ARHGAP32: variants seen among roughly 807,000 people sequenced by gnomAD.
The protein encoded by ARHGAP32 is rho GTPase-activating protein 32.
ARHGAP32 carries 51 observed loss-of-function variants against 186.5 expected under a neutral mutation model. The observed-to-expected ratio is 0.27, with a 90% CI of 0.22 to 0.35. The LOEUF (loss-of-function observed/expected upper bound fraction) is 0.35, where lower values mean the gene tolerates loss of function less well. ARHGAP32 is among the 10% of genes least tolerant of loss of function. The pLI, the probability that ARHGAP32 is intolerant of heterozygous loss-of-function variation, is 1.00. For synonymous variants in ARHGAP32, 950 were observed against 964.3 expected, an observed-to-expected ratio of 0.99 and a Z score of 0.27; for missense variants, 2,186 against 2,623.5, an observed-to-expected ratio of 0.83 and a Z score of 3.64.
rs1426955436 is a variant in ARHGAP32, at chr11:128,966,490, T to C, written c.*2417A>G. ...ATGCATTAAATGAAGCAACTCTAGA[T>C]TTGATCTGAAGTTTGTGTTTCACGC... On this transcript the variant is annotated 3_prime_UTR_variant, in exon 23 of 23. Transcript: ENST00000682385. The C allele has an allele frequency of 6.6e-6, 1 of 152,232 alleles. No individual in the cohort carries two copies. The highest frequency in any genetic ancestry group is 1.5e-5 in the Non-Finnish European group (1 of 68,042). The allele number at this position is 152,232 out of a possible 1,614,324, so 9.4% of individuals were successfully genotyped here.
chr11:129,254,197 A>T (rs1286189243), intron 1 of ARHGAP32, among the ~76,000 whole-genome samples: 2 of 152,104 alleles, frequency 1.3e-5, no homozygotes, highest in Non-Finnish European at 2.9e-5. Flanking sequence ...GCCCATGTGC[A>T]CATAGATCTG....
intron 22 of ARHGAP32, 22 bp from the exon 23 acceptor site, chr11:128,971,181 A>G (rs1945360639): frequency 6.4e-7 from 1 of 1,568,906 alleles, no homozygotes; most frequent in Non-Finnish European, 8.7e-7. Context: ...TGATAATACT[A>G]TGGGTCTATT....
intron 1 of ARHGAP32, among the ~76,000 whole-genome samples, chr11:129,185,298 T>C (rs1944136558): frequency 6.6e-6 from 1 of 152,188 alleles, no homozygotes; most frequent in African/African-American, 2.4e-5. Context: ...TCATGTCCTT[T>C]GTAGGGACAT....
At chr11:129,234,191 T>A (rs2135644517) in intron 1 of ARHGAP32, among the ~76,000 whole-genome samples, 1 of 152,260 alleles carries the variant, frequency 6.6e-6, no homozygotes, top group East Asian at 1.9e-4. Context: ...TTAAAGTTTT[T>A]AAATAAGATT....
intron 19 of ARHGAP32, among the ~76,000 whole-genome samples, chr11:128,977,982 G>T (rs1442350665): frequency 6.6e-6 from 1 of 151,758 alleles, no homozygotes; most frequent in East Asian, 1.9e-4. Flanking sequence ...CTCCCAAAGT[G>T]TTGGGATTAC....
intron 2 of ARHGAP32, among the ~76,000 whole-genome samples, chr11:129,126,705 T>A (rs1164396979): frequency 6.6e-6 from 1 of 152,152 alleles, no homozygotes; most frequent in Non-Finnish European, 1.5e-5. Flanking sequence ...ATGAATATAG[T>A]ATTGAGTATT....
chr11:128,974,175 A>C lies in ARHGAP32; in HGVS notation c.3022T>G (p.Ser1008Ala), dbSNP rs772324175. 6.2e-7 allele frequency: 1 copy of C among 1,614,206 alleles called. No homozygotes were observed. The highest frequency in any genetic ancestry group is 1.1e-5 in the South Asian group (1 of 91,086). ...GCCTTACTCTGACTGCTTGAGACAGACTGATCCTCTTTCCCTGGCAATTCT... is the reference window on the plus strand; with the variant it reads ...GCCTTACTCTGACTGCTTGAGACAGCCTGATCCTCTTTCCCTGGCAATTCT... Reference protein sequence around the residue: ...EVELPGKEDQSVSSSQSKAVA... With the variant: ...EVELPGKEDQAVSSSQSKAVA... The change falls in exon 21 of 23, where the codon TCT becomes GCT. Residue 1008 changes from serine to alanine, a missense_variant. Transcript: ENST00000682385.
chr11:129,095,664 T>C (rs750671347), intron 5 of ARHGAP32, among the ~76,000 whole-genome samples: 1 of 152,042 alleles, frequency 6.6e-6, no homozygotes, highest in African/African-American at 2.4e-5. Flanking sequence ...AGGATGGAGG[T>C]GGCACAGAAA....
At chr11:129,248,267 C>T (rs552868681) in intron 1 of ARHGAP32, among the ~76,000 whole-genome samples, 2 of 151,856 alleles carry the variant, frequency 1.3e-5, no homozygotes, top group East Asian at 3.9e-4. Context: ...CCTATCTGAC[C>T]ATCTAGGAAA....
At chr11:129,047,243 C>G (rs1384805741) in intron 10 of ARHGAP32, among the ~76,000 whole-genome samples, 1 of 152,166 alleles carries the variant, frequency 6.6e-6, no homozygotes, top group Non-Finnish European at 1.5e-5. Flanking sequence ...AGTAGAAGCA[C>G]TGCTCACTCC....
intron 1 of ARHGAP32, among the ~76,000 whole-genome samples, chr11:129,260,536 G>GCT (rs1376612349): frequency 1.3e-5 from 2 of 151,958 alleles, no homozygotes; most frequent in African/African-American, 2.4e-5. Flanking sequence ...ATAGAAAAAA[G>GCT]TCTTAAAAAA....
chr11:129,012,768 TGCA>T (rs1409822375), intron 11 of ARHGAP32, among the ~76,000 whole-genome samples: 2 of 152,240 alleles, frequency 1.3e-5, no homozygotes, highest in African/African-American at 4.8e-5. Context: ...TTTTTTAAAC[TGCA>T]GCAGTAGTCT....
chr11:129,086,774 TTG>T (rs1941418108), intron 6 of ARHGAP32, among the ~76,000 whole-genome samples: 1 of 149,292 alleles, frequency 6.7e-6, no homozygotes, highest in Non-Finnish European at 1.5e-5. Flanking sequence ...TGAGCCGAGA[TTG>T]CGCCACTGCA....
chr11:129,147,986 C>T (rs1943203944), intron 2 of ARHGAP32, among the ~76,000 whole-genome samples: 1 of 152,112 alleles, frequency 6.6e-6, no homozygotes, highest in South Asian at 2.1e-4. Flanking sequence ...ATAGGAACAG[C>T]ATACTATAAG....
chr11:129,124,943 C>CT (rs774604999), intron 2 of ARHGAP32, 49 bp from the exon 3 acceptor site: 1 of 1,422,030 alleles, frequency 7.0e-7, no homozygotes, highest in Admixed American at 2.1e-5. Context: ...TAGTATTACA[C>CT]TTTTTTAAAA....
In ARHGAP32 at chr11:129,043,413, G is replaced by T. The variant is rs1479957427; in HGVS notation, c.964-2404C>A. ...TTTTTTTTTTTTTTGCGCAACGGAGGTTCGTTCTTGTTGCCCAGTCTGAAG... is the reference window on the plus strand; with the variant it reads ...TTTTTTTTTTTTTTGCGCAACGGAGTTTCGTTCTTGTTGCCCAGTCTGAAG... On this transcript the variant is annotated intron_variant, in intron 10 of 22. Transcript: ENST00000682385. Among the ~76,000 whole-genome samples the T allele has an allele frequency of 7.3e-5, 10 of 136,716 alleles. No individual in the cohort carries two copies. In the East Asian group the frequency reaches 1.9e-3, roughly 26 times the overall value. 89.7% of individuals were successfully genotyped at this position (136,716 alleles called of 152,430 possible). A position where few individuals can be genotyped will look rare whatever the true frequency, so the allele number is the denominator to read the frequency against.
chr11:128,981,601 G>C lies in ARHGAP32; in HGVS notation c.1635-40C>G, dbSNP rs200879308. Reference sequence around the variant, plus strand: ...TTTTCATCACAGAGTTGTAAAGATAGCAGTCGTCAAGGGCCTCTTTTTTTA... The same window carrying C: ...TTTTCATCACAGAGTTGTAAAGATACCAGTCGTCAAGGGCCTCTTTTTTTA... On this transcript the variant is annotated intron_variant, in intron 16 of 22. Coordinates refer to ENST00000682385, the MANE Select transcript of ARHGAP32 (RefSeq NM_001378024.1). 1.7e-3 allele frequency: 2,710 copies of C among 1,577,742 alleles called. 4 individuals are homozygous for C. Among genetic ancestry groups the C allele is most frequent in the Non-Finnish European group, 1.6e-3 (1,893 of 1,159,132 alleles).
At chr11:129,086,555 C>T (rs1364053167) in intron 6 of ARHGAP32, among the ~76,000 whole-genome samples, 4 of 152,126 alleles carry the variant, frequency 2.6e-5, no homozygotes, top group African/African-American at 7.2e-5. Flanking sequence ...GGCATGGTGG[C>T]TCACGCCTGT....
At chr11:129,143,072 C>CATGCATATATAT (rs1555101115) in intron 2 of ARHGAP32, among the ~76,000 whole-genome samples, 1 of 112,468 alleles carries the variant, frequency 8.9e-6, no homozygotes, top group Admixed American at 8.3e-5. Context: ...GGTAAAACTG[C>CATGCATATATAT]ATATATATAT....
Sources: gnomAD v4.1 joint callset for allele counts (sites outside exome capture counted in the v4.1 genomes callset) on GRCh38, gnomAD v4.1.1 for gene constraint, MANE v1.5 for transcripts, NCBI Gene and HGNC (gene_info 2026-07-23, HGNC 2026-07-21) for gene names.